The following RPE variants were observed in gnomAD, a reference collection of about 807,000 sequenced individuals.
RPE encodes the protein ribulose-5-phosphate-3-epimerase.
A neutral mutation model predicts 24.6 loss-of-function variants in RPE; 16 were observed. That is an observed-to-expected ratio of 0.65 (90% CI 0.44 to 0.99). The LOEUF (loss-of-function observed/expected upper bound fraction) is 0.99. Among genes scored for constraint, RPE ranks in the 50% least tolerant of loss-of-function variants. The pLI is 0.00. For missense variants in RPE, 240 were observed against 294.5 expected (o/e 0.81, Z 1.35); for synonymous variants, 93 against 98.4 (o/e 0.94, Z 0.33).
At chr2:210,010,283 C>T (rs1205340720) in intron 2 of RPE, among the ~76,000 whole-genome samples, 1 of 149,340 alleles carries the variant, frequency 6.7e-6, no homozygotes, top group Admixed American at 6.6e-5. Flanking sequence ...AATATTCACT[C>T]CAATGTCCTA....
chr2:210,012,329 A>C (rs1325478271), intron 2 of RPE, among the ~76,000 whole-genome samples: 1 of 152,222 alleles, frequency 6.6e-6, no homozygotes, highest in Non-Finnish European at 1.5e-5. Context: ...TGGTACAAAA[A>C]CATTGATGAG....
At chr2:210,018,308 T>G (rs2125090740) in intron 5 of RPE, 1 of 1,452,176 alleles carries the variant, frequency 6.9e-7, no homozygotes, top group East Asian at 2.6e-5. Flanking sequence ...TAGTTGTTCC[T>G]TGTAAGAACT....
chr2:210,009,605 T>G, intron 1 of RPE, 52 bp from the exon 2 acceptor site: 4 of 1,608,200 alleles, frequency 2.5e-6, no homozygotes, highest in Non-Finnish European at 3.4e-6. Context: ...TTGAGAGAGA[T>G]ACAGAAACTG....
At chr2:210,006,817 C>T (rs546242850) in intron 1 of RPE, among the ~76,000 whole-genome samples, 102 of 152,334 alleles carry the variant, frequency 6.7e-4, no homozygotes, top group Middle Eastern at 3.4e-3. Flanking sequence ...AATCATTGCT[C>T]AGGCAAATGT....
At chr2:210,003,869 T>C (rs904636554) in intron 1 of RPE, among the ~76,000 whole-genome samples, 3 of 152,220 alleles carry the variant, frequency 2.0e-5, no homozygotes, top group African/African-American at 7.2e-5. Context: ...GTTAAATGTA[T>C]TGTTTCTCTT....
chr2:210,017,635 C>A (rs1470915607), intron 5 of RPE, 76 bp downstream of exon 5: 6 of 1,347,862 alleles, frequency 4.5e-6, no homozygotes, highest in Non-Finnish European at 6.3e-6. Flanking sequence ...CATGGGCCAG[C>A]GATTCCCTCT....
chr2:210,011,089 G>A (rs1375714362), intron 2 of RPE, among the ~76,000 whole-genome samples: 2 of 151,978 alleles, frequency 1.3e-5, no homozygotes, highest in African/African-American at 4.8e-5. Context: ...CTCTGTGTAG[G>A]ATCTATCTAC....
rs1398497415 is a variant in RPE at position 210,022,227 on chromosome 2, T to G, written c.*2436T>G. On this transcript the variant is annotated 3_prime_UTR_variant, in exon 6 of 6. Coordinates refer to ENST00000359429, the MANE Select transcript of RPE (RefSeq NM_199229.3). Reference sequence around the variant, plus strand: ...CTGTGTTTAGTCCCAAAGATAGCAGTGATTTTGAATAAAGGAGTTTTGTGT... The same window carrying G: ...CTGTGTTTAGTCCCAAAGATAGCAGGGATTTTGAATAAAGGAGTTTTGTGT... 6.6e-6 allele frequency: 1 copy of G among 152,034 alleles called. No individual in the cohort carries two copies. Among genetic ancestry groups the G allele is most frequent in the Admixed American group, 6.6e-5 (1 of 15,250 alleles). 9.4% of individuals were successfully genotyped at this position (152,034 alleles called of 1,614,324 possible). A position where few individuals can be genotyped will look rare whatever the true frequency, so the allele number is the denominator to read the frequency against.
intron 5 of RPE, 89 bp from the exon 6 acceptor site, chr2:210,019,580 G>C: frequency 4.1e-6 from 6 of 1,464,168 alleles, no homozygotes; most frequent in African/African-American, 1.4e-5. Context: ...GTTGACAGAT[G>C]CAAGGGTAGA....
In RPE at chr2:210,010,929, A is replaced by AT. The variant is rs398105260; in HGVS notation, c.202+1201dup. Among the ~76,000 whole-genome samples the AT allele has an allele frequency of 2.4e-4, 36 of 151,100 alleles. No individual in the cohort carries two copies. The East Asian group carries it at 5.8e-3, about 24-fold the overall frequency. Reference sequence around the variant, plus strand: ...TGACACTCCATGTCAAAAAAAAAAAATTTTTTTTAAATTAAATAACATAAA... The same window carrying AT: ...TGACACTCCATGTCAAAAAAAAAAAATTTTTTTTTAAATTAAATAACATAAA... On this transcript the variant is annotated intron_variant, in intron 2 of 5. Transcript: ENST00000359429.
At chr2:210,012,340 T>G (rs1023988528) in intron 2 of RPE, among the ~76,000 whole-genome samples, 2 of 152,158 alleles carry the variant, frequency 1.3e-5, no homozygotes, top group South Asian at 4.1e-4. Context: ...CATTGATGAG[T>G]TAGTTTGCTG....
intron 2 of RPE, among the ~76,000 whole-genome samples, chr2:210,014,923 CCT>C (rs1172372437): frequency 3.3e-5 from 5 of 152,048 alleles, no homozygotes; most frequent in Non-Finnish European, 5.9e-5. Flanking sequence ...TTTAAGCTGC[CCT>C]CTCCTTCTTA....
rs1319867559 is a variant in RPE, at chr2:210,021,861, A to G, written c.*2070A>G. 1 of 151,582 alleles carries G rather than the reference A, an allele frequency of 6.6e-6. No individual in the cohort carries two copies. The highest frequency in any genetic ancestry group is 1.9e-4 in the East Asian group (1 of 5,188). The allele number at this position is 151,582 out of a possible 1,614,324, so 9.4% of individuals were successfully genotyped here. A position where few individuals can be genotyped will look rare whatever the true frequency, so the allele number is the denominator to read the frequency against. Reference sequence around the variant, plus strand: ...ATATTGAAGCTTTGTTCTTTGAAAAATTTTAATTTCCAATCTAGGATGCAA... The same window carrying G: ...ATATTGAAGCTTTGTTCTTTGAAAAGTTTTAATTTCCAATCTAGGATGCAA... On this transcript the variant is annotated 3_prime_UTR_variant, in exon 6 of 6. Coordinates refer to ENST00000359429, the MANE Select transcript of RPE (RefSeq NM_199229.3).
intron 5 of RPE, chr2:210,018,291 T>C (rs2125090667): frequency 1.4e-6 from 2 of 1,478,808 alleles, no homozygotes; most frequent in South Asian, 2.7e-5. Context: ...AGAACCTACA[T>C]ATTATTTAGT....
rs7582860 is a variant in RPE, at chr2:210,007,391, A to G, written c.123-2266A>G. ...GTTCCTTGCCACTTACCAAGTGGCAATTGCAGTCACCTACCCTCTTGTAAT... is the reference window on the plus strand; with the variant it reads ...GTTCCTTGCCACTTACCAAGTGGCAGTTGCAGTCACCTACCCTCTTGTAAT... On this transcript the variant is annotated intron_variant, in intron 1 of 5. Transcript: ENST00000359429. Among the ~76,000 whole-genome samples the G allele has an allele frequency of 4.9e-3, 739 of 152,242 alleles. 4 individuals are homozygous for G. The highest frequency in any genetic ancestry group is 0.017 in the African/African-American group (698 of 41,546).
intron 1 of RPE, among the ~76,000 whole-genome samples, chr2:210,003,146 G>A (rs529665088): frequency 6.6e-6 from 1 of 152,338 alleles, no homozygotes; most frequent in South Asian, 2.1e-4. Flanking sequence ...TAGCTAGTTA[G>A]TGGCAAAGCT....
rs1041227137 is a variant in RPE, at chr2:210,003,510, G to A, written c.122+727G>A. Reference sequence around the variant, plus strand: ...CACCGTAGTTACAGCACATAATATTGTTTGGAGTCAGGATATTAGTTTCTG... The same window carrying A: ...CACCGTAGTTACAGCACATAATATTATTTGGAGTCAGGATATTAGTTTCTG... On this transcript the variant is annotated intron_variant, in intron 1 of 5. Coordinates refer to ENST00000359429, the MANE Select transcript of RPE (RefSeq NM_199229.3). 4.1e-6 allele frequency: 5 copies of A among 1,211,260 alleles called. No individual in the cohort carries two copies. The Admixed American group carries it at 1.2e-4, about 28-fold the overall frequency. 75.0% of individuals were successfully genotyped at this position (1,211,260 alleles called of 1,614,324 possible). A position where few individuals can be genotyped will look rare whatever the true frequency, so the allele number is the denominator to read the frequency against.
chr2:210,016,231 C>T (rs1439822800), intron 3 of RPE, 119 bp downstream of exon 3: 2 of 1,613,928 alleles, frequency 1.2e-6, no homozygotes, highest in Non-Finnish European at 1.7e-6. Flanking sequence ...GGCTGAAGTG[C>T]AGTGGCACAG....
At chr2:210,015,793 AAATC>A (rs1221387759) in intron 2 of RPE, among the ~76,000 whole-genome samples, 176 bp from the exon 3 acceptor site, 1 of 152,224 alleles carries the variant, frequency 6.6e-6, no homozygotes, top group Non-Finnish European at 1.5e-5. Flanking sequence ...GAATTTAAAT[AAATC>A]CTTGTCTTCA....
Sources: gnomAD v4.1 joint callset for allele counts (sites outside exome capture counted in the v4.1 genomes callset) on GRCh38, gnomAD v4.1.1 for gene constraint, MANE v1.5 for transcripts, NCBI Gene and HGNC (gene_info 2026-07-23, HGNC 2026-07-21) for gene names.